The following HDAC4 variants were observed in gnomAD, a reference collection of about 807,000 sequenced individuals.
HDAC4 encodes histone deacetylase A.
Under a neutral mutation model 135.1 loss-of-function variants are expected in HDAC4, and 16 were observed. The ratio of observed to expected loss-of-function variants is 0.12; its 90% CI spans 0.08 to 0.18. The LOEUF is 0.18. Among genes scored for constraint, HDAC4 ranks in the 10% least tolerant of loss-of-function variants. The pLI, the probability that HDAC4 is intolerant of heterozygous loss-of-function variation, is 1.00. For synonymous variants in HDAC4, 685 were observed against 653.4 expected (o/e 1.05, Z -0.74); for missense variants, 1,143 against 1,511.8 (o/e 0.76, Z 4.05).
intron 2 of HDAC4, among the ~76,000 whole-genome samples, chr2:239,274,691 G>A (rs1319616963): frequency 1.3e-5 from 2 of 152,194 alleles, no homozygotes; most frequent in Non-Finnish European, 2.9e-5. Flanking sequence ...TCCACGGCGG[G>A]GCTCTCTCAG....
At chr2:239,287,803 T>C (rs1338016159) in intron 2 of HDAC4, among the ~76,000 whole-genome samples, 1 of 151,948 alleles carries the variant, frequency 6.6e-6, no homozygotes, top group African/African-American at 2.4e-5. Context: ...CAGAGACAAA[T>C]CCAGCAAAGA....
At chr2:239,321,418 T>C (rs2053305874) in intron 2 of HDAC4, among the ~76,000 whole-genome samples, 1 of 121,746 alleles carries the variant, frequency 8.2e-6, no homozygotes, top group African/African-American at 3.2e-5. Flanking sequence ...CGAGCCGAGA[T>C]AGCGCCACTG....
chr2:239,179,888 G>A (rs958397019), intron 4 of HDAC4, among the ~76,000 whole-genome samples: 9 of 152,252 alleles, frequency 5.9e-5, no homozygotes, highest in South Asian at 2.1e-4. Context: ...CTGCCCGCAC[G>A]GAGGAACCTG....
At chr2:239,190,447 A>C (rs916174736) in intron 3 of HDAC4, among the ~76,000 whole-genome samples, 6 of 152,200 alleles carry the variant, frequency 3.9e-5, no homozygotes, top group Non-Finnish European at 8.8e-5. Context: ...GAGAAAAATA[A>C]AGAAAAAGGT....
At chr2:239,066,638 T>C in intron 24 of HDAC4, 84 bp downstream of exon 24, 2 of 1,597,872 alleles carry the variant, frequency 1.3e-6, no homozygotes, top group Non-Finnish European at 1.7e-6. Context: ...GGCTTTTTCA[T>C]GCTCTGGGGC....
intron 4 of HDAC4, among the ~76,000 whole-genome samples, chr2:239,178,044 G>A (rs1008778565): frequency 2.0e-5 from 3 of 152,152 alleles, no homozygotes; most frequent in Non-Finnish European, 2.9e-5. Context: ...AGATGGCTCC[G>A]CTCTCGTTCG....
rs1391741280 is a variant in HDAC4, at chr2:239,103,020, T to C, written c.2113-124A>G. The C allele has an allele frequency of 5.0e-6, 6 of 1,188,132 alleles. No homozygotes were observed. In the African/African-American group the frequency reaches 6.1e-5, roughly 12 times the overall value. 73.6% of individuals were successfully genotyped at this position (1,188,132 alleles called of 1,614,324 possible). A position where few individuals can be genotyped will look rare whatever the true frequency, so the allele number is the denominator to read the frequency against. On this transcript the variant is annotated intron_variant, in intron 15 of 26. Coordinates refer to ENST00000543185, the MANE Select transcript of HDAC4 (RefSeq NM_001378414.1). ...ACTTAATTTGATACAAAAACAAGCA[T>C]GTTATTTGGTTACTGCAAAAGAAGA... is the stretch of plus-strand genomic sequence containing the variant.
At chr2:239,230,404 C>A (rs2047482018) in intron 3 of HDAC4, among the ~76,000 whole-genome samples, 2 of 136,870 alleles carry the variant, frequency 1.5e-5, no homozygotes, top group Non-Finnish European at 1.5e-5. Context: ...AAGCAGGTGA[C>A]ATGTTCCGTG....
At chr2:239,176,077 C>A (rs529321139) in intron 5 of HDAC4, among the ~76,000 whole-genome samples, 1 of 152,042 alleles carries the variant, frequency 6.6e-6, no homozygotes, top group Non-Finnish European at 1.5e-5. Context: ...GGCTCAGCTG[C>A]CCCTAGATCT....
Position 239,139,536 on chromosome 2 carries a change from C to G in HDAC4, c.978+148G>C, listed in dbSNP as rs1330446753. On this transcript the variant is annotated intron_variant, in intron 9 of 26. Transcript: ENST00000543185. The surrounding 1 kb of genome is among the most constrained non-coding windows in gnomAD (Gnocchi z 5.3). ...CAGGAGAGTAACCTCCAACTGCGTC[C>G]TTTTTAGGATGGCTCACAGGCCACT... 1.5e-5 allele frequency: 12 copies of G among 777,544 alleles called. No homozygotes were observed. Among genetic ancestry groups the G allele is most frequent in the South Asian group, 1.4e-4 (10 of 71,184 alleles). The allele number at this position is 777,544 out of a possible 1,614,324, so 48.2% of individuals were successfully genotyped here.
intron 2 of HDAC4, among the ~76,000 whole-genome samples, chr2:239,260,729 C>G (rs2049311144): frequency 6.6e-6 from 1 of 152,216 alleles, no homozygotes; most frequent in Non-Finnish European, 1.5e-5. Flanking sequence ...CTGCAGTGTT[C>G]TCATGCCTGG....
chr2:239,246,588 G>T (rs1479352531), intron 2 of HDAC4, among the ~76,000 whole-genome samples: 1 of 152,204 alleles, frequency 6.6e-6, no homozygotes, highest in African/African-American at 2.4e-5. Context: ...TTCCTGCTCC[G>T]CAGGGCCCTG....
At chr2:239,202,092 G>A (rs1343137492) in intron 3 of HDAC4, among the ~76,000 whole-genome samples, 1 of 152,150 alleles carries the variant, frequency 6.6e-6, no homozygotes, top group Non-Finnish European at 1.5e-5. Context: ...AGAACATTCT[G>A]ATGGAGAAGG....
chr2:239,275,422 C>A (rs182936460), intron 2 of HDAC4, among the ~76,000 whole-genome samples: 2 of 152,270 alleles, frequency 1.3e-5, no homozygotes, highest in Admixed American at 6.5e-5. Context: ...CACCAAGAAA[C>A]GGCTTTGTGT....
chr2:239,383,943 C>T (rs1375282641), intron 1 of HDAC4, among the ~76,000 whole-genome samples: 3 of 152,240 alleles, frequency 2.0e-5, no homozygotes, highest in African/African-American at 4.8e-5. Flanking sequence ...GAGGGCAGGG[C>T]GGCTGGAAGA....
rs757172683 is a variant in HDAC4 at position 239,245,386 on chromosome 2, C to T, written c.23-8722G>A. 2.0e-5 allele frequency among the ~76,000 whole-genome samples: 3 copies of T among 152,106 alleles called. No individual in the cohort carries two copies. Among genetic ancestry groups the T allele is most frequent in the Non-Finnish European group, 2.9e-5 (2 of 68,024 alleles). ...AAATTTCAGATATGCCCACCAGTCC[C>T]GATGTTTTGGTCTGGATTTGAACAA... On this transcript the variant is annotated intron_variant, in intron 2 of 26. Coordinates refer to ENST00000543185, the MANE Select transcript of HDAC4 (RefSeq NM_001378414.1). The surrounding 1 kb of genome is among the most constrained non-coding windows in gnomAD (Gnocchi z 4.4).
At chr2:239,362,964 G>C (rs1409458009) in intron 1 of HDAC4, among the ~76,000 whole-genome samples, 1 of 152,084 alleles carries the variant, frequency 6.6e-6, no homozygotes, top group Non-Finnish European at 1.5e-5. Flanking sequence ...CTGAGTAAAA[G>C]GTCAATAATG....
chr2:239,348,647 G>A (rs1200134249), intron 2 of HDAC4, among the ~76,000 whole-genome samples: 1 of 152,242 alleles, frequency 6.6e-6, no homozygotes, highest in Non-Finnish European at 1.5e-5. Flanking sequence ...TCAAGGCAGA[G>A]GCTCTGTGTC....
intron 1 of HDAC4, among the ~76,000 whole-genome samples, chr2:239,385,223 A>C (rs1695709265): frequency 1.3e-5 from 2 of 152,200 alleles, no homozygotes; most frequent in Admixed American, 6.5e-5. Context: ...GTCTCCTCCA[A>C]GCCTCAGGAA....
Sources: allele counts gnomAD v4.1 joint callset (sites outside exome capture counted in the v4.1 genomes callset), GRCh38; gene constraint gnomAD v4.1.1; non-coding constraint Gnocchi (gnomAD v3.1); transcripts MANE v1.5; gene names NCBI Gene and HGNC (gene_info 2026-07-23, HGNC 2026-07-21).